The following CREB3L3 variants were observed in gnomAD, a reference collection of about 807,000 sequenced individuals.
CREB3L3 encodes cyclic AMP-responsive element-binding protein 3-like protein 3.
Under a neutral mutation model 44.6 loss-of-function variants are expected in CREB3L3, and 40 were observed. The observed-to-expected ratio is 0.90, with a 90% CI of 0.70 to 1.17. The LOEUF (loss-of-function observed/expected upper bound fraction) is 1.17, where lower values mean the gene tolerates loss of function less well. Ranked by LOEUF, CREB3L3 falls within the 50% of genes most tolerant of loss-of-function variation. The pLI, the probability that CREB3L3 is intolerant of heterozygous loss-of-function variation, is 0.00. For synonymous variants in CREB3L3, 273 were observed against 256.3 expected, an observed-to-expected ratio of 1.06 and a Z score of -0.62; for missense variants, 578 against 595.8, an observed-to-expected ratio of 0.97 and a Z score of 0.31.
intron 1 of CREB3L3, among the ~76,000 whole-genome samples, 192 bp from the exon 2 acceptor site, chr19:4,154,707 C>T (rs2041549637): frequency 6.6e-6 from 1 of 152,126 alleles, no homozygotes; most frequent in South Asian, 2.1e-4. Context: ...GGCTCTCACA[C>T]TGTGGAATTC....
At position 4,153,751 on chromosome 19, in the gene CREB3L3, A is replaced by G. The variant is rs772736795; in HGVS notation, c.4A>G (p.Asn2Asp). ...GCAGACAGAACTGGATGGACCCATG[A>G]ATACGGATTTAGCTGCTGGAAAGGT... MNTDLAAGKMAS... is the reference protein window; with the variant it reads MDTDLAAGKMAS... Residue 2 changes from asparagine (N) to aspartate (D), a missense_variant, in exon 1 of 10, where the codon AAT becomes GAT. Coordinates refer to ENST00000078445, the MANE Select transcript of CREB3L3 (RefSeq NM_032607.3). 8.1e-6 allele frequency: 13 copies of G among 1,614,072 alleles called. No individual in the cohort carries two copies. The highest frequency in any genetic ancestry group is 1.1e-5 in the Non-Finnish European group (13 of 1,180,010).
At chr19:4,162,462 T>C (rs1298978098) in intron 4 of CREB3L3, among the ~76,000 whole-genome samples, 1 of 144,452 alleles carries the variant, frequency 6.9e-6, no homozygotes, top group Non-Finnish European at 1.5e-5. Context: ...TTATAAATGC[T>C]AGTTATCAGC....
In CREB3L3 at chr19:4,167,450, GAAGAA is replaced by G. The variant is rs373254985; in HGVS notation, c.715-895_715-891del. On this transcript the variant is annotated intron_variant, in intron 5 of 9. Coordinates refer to ENST00000078445, the MANE Select transcript of CREB3L3 (RefSeq NM_032607.3). The stretch of plus-strand genomic sequence containing the variant: ...AAAGAAAGAAAGGAAAGAAAGAAAG[GAAGAA>G]AAGAAGGAAAGAAAGGAAGAAAAGG... Among the ~76,000 whole-genome samples, 17 of 118,704 alleles carry G rather than the reference GAAGAA, an allele frequency of 1.4e-4. 1 individual carries two copies. Among genetic ancestry groups the G allele is most frequent in the Middle Eastern group, 4.8e-3 (1 of 208 alleles). 77.9% of individuals were successfully genotyped at this position (118,704 alleles called of 152,430 possible). A position where few individuals can be genotyped will look rare whatever the true frequency, so the allele number is the denominator to read the frequency against.
In CREB3L3 at chr19:4,168,435, T is replaced by C. The variant is rs1966972458; in HGVS notation, c.799T>C (p.Tyr267His). The change falls in exon 6 of 10, where the codon TAT becomes CAT. Residue 267 changes from tyrosine (Y) to histidine (H), a missense_variant. Transcript: ENST00000078445. ...AQESRKKKKE[Y>H]IDGLETRMSA... ...AGAAAGCAGGAAGAAGAAGAAGGAA[T>C]ATATCGATGGCCTGGAGACTCGGTG... 10 of 1,608,478 alleles carry C rather than the reference T, an allele frequency of 6.2e-6. No individual in the cohort carries two copies. The highest frequency in any genetic ancestry group is 1.3e-5 in the African/African-American group (1 of 74,666).
At chr19:4,160,820 G>A (rs947182697) in intron 4 of CREB3L3, among the ~76,000 whole-genome samples, 4 of 150,596 alleles carry the variant, frequency 2.7e-5, no homozygotes, top group Non-Finnish European at 5.9e-5. Flanking sequence ...TGCAAGCTCC[G>A]CCTACCGGGT....
At chr19:4,166,421 ATTTTTTTT>A (rs35783380) in intron 5 of CREB3L3, among the ~76,000 whole-genome samples, 18 of 103,746 alleles carry the variant, frequency 1.7e-4, no homozygotes, top group African/African-American at 6.5e-4. Context: ...CGCCTGGCTA[ATTTTTTTT>A]TTTTTTTTTT....
intron 4 of CREB3L3, among the ~76,000 whole-genome samples, chr19:4,161,097 TA>T (rs1956761832): frequency 6.6e-6 from 1 of 151,978 alleles, no homozygotes; most frequent in Non-Finnish European, 1.5e-5. Flanking sequence ...ATCTTTTTAG[TA>T]GAGATGGGGT....
chr19:4,168,332 T>C lies in CREB3L3; in HGVS notation c.715-19T>C. The C allele has an allele frequency of 6.3e-7, 1 of 1,599,636 alleles. No homozygotes were observed. Among genetic ancestry groups the C allele is most frequent in the Non-Finnish European group, 8.5e-7 (1 of 1,169,900 alleles). On this transcript the variant is annotated intron_variant, in intron 5 of 9. Coordinates refer to ENST00000078445, the MANE Select transcript of CREB3L3 (RefSeq NM_032607.3). ...GGGACTTTCTGGCCTGAAACCCTCCTCCCCATTTCACTTGGCAGTACGAGG... is the reference window on the plus strand; with the variant it reads ...GGGACTTTCTGGCCTGAAACCCTCCCCCCCATTTCACTTGGCAGTACGAGG...
intron 3 of CREB3L3, among the ~76,000 whole-genome samples, chr19:4,158,756 G>A (rs1310045438): frequency 1.4e-5 from 2 of 146,128 alleles, no homozygotes; most frequent in African/African-American, 5.2e-5. Context: ...AGCCAAGATT[G>A]CCACACTGCT....
intron 5 of CREB3L3, among the ~76,000 whole-genome samples, chr19:4,166,765 C>T (rs1966915324): frequency 6.6e-6 from 1 of 151,842 alleles, no homozygotes; most frequent in Non-Finnish European, 1.5e-5. Context: ...GGCTGGAGTG[C>T]AGTGGTACAA....
intron 4 of CREB3L3, among the ~76,000 whole-genome samples, chr19:4,163,949 C>T (rs1340100396): frequency 7.3e-5 from 11 of 150,024 alleles, no homozygotes; most frequent in African/African-American, 2.5e-4. Context: ...GGATTACAGG[C>T]GCCGCCACCA....
In CREB3L3 at chr19:4,159,772, G is replaced by T; in HGVS notation, c.566G>T (p.Ser189Ile). ...TVKDLLLSGS[S>I]GDLQQHHLGA... is the part of the protein sequence containing the mutation. Reference sequence around the variant, plus strand: ...AAAGACCTCCTCCTTTCGGGCAGCAGTGGGGACCTGGTGAGCACCCCCACA... The same window carrying T: ...AAAGACCTCCTCCTTTCGGGCAGCATTGGGGACCTGGTGAGCACCCCCACA... The change falls in exon 4 of 10, where the codon AGT becomes ATT. Residue 189 changes from serine (S) to isoleucine (I), a missense_variant. Coordinates refer to ENST00000078445, the MANE Select transcript of CREB3L3 (RefSeq NM_032607.3). 6.8e-7 allele frequency: 1 copy of T among 1,477,632 alleles called. No individual in the cohort carries two copies. The highest frequency in any genetic ancestry group is 1.4e-5 in the African/African-American group (1 of 72,316). The allele number at this position is 1,477,632 out of a possible 1,614,324, so 91.5% of individuals were successfully genotyped here.
intron 3 of CREB3L3, among the ~76,000 whole-genome samples, chr19:4,158,494 C>G (rs1024905744): frequency 6.6e-6 from 1 of 150,748 alleles, no homozygotes; most frequent in Non-Finnish European, 1.5e-5. Flanking sequence ...CAGACTCTGT[C>G]TCGAAAAAAA....
In CREB3L3 at chr19:4,157,499, A is replaced by G. The variant is rs76951997; in HGVS notation, c.457+204A>G. Among the ~76,000 whole-genome samples the G allele has an allele frequency of 3.0e-4, 45 of 152,154 alleles. No homozygotes were observed. The East Asian group carries it at 8.1e-3, about 28-fold the overall frequency. On this transcript the variant is annotated intron_variant, in intron 3 of 9. Coordinates refer to ENST00000078445, the MANE Select transcript of CREB3L3 (RefSeq NM_032607.3). ...TTCACGTGGATGCTATTGGGAGCCC[A>G]TTTTCCAGATCGTGAAACAGTCCTG...
At chr19:4,154,189 A>G (rs1357806608) in intron 1 of CREB3L3, among the ~76,000 whole-genome samples, 1 of 152,072 alleles carries the variant, frequency 6.6e-6, no homozygotes, top group Non-Finnish European at 1.5e-5. Flanking sequence ...TTCCTGCCTC[A>G]GCCTCCCAAG....
At chr19:4,166,774 A>C (rs1320933750) in intron 5 of CREB3L3, among the ~76,000 whole-genome samples, 1 of 151,774 alleles carries the variant, frequency 6.6e-6, no homozygotes, top group Non-Finnish European at 1.5e-5. Flanking sequence ...GCAGTGGTAC[A>C]ATCTGCAGGT....
intron 2 of CREB3L3, among the ~76,000 whole-genome samples, 179 bp downstream of exon 2, chr19:4,155,206 CCTT>C (rs1200422198): frequency 6.6e-6 from 1 of 152,140 alleles, no homozygotes; most frequent in African/African-American, 2.4e-5. Context: ...AGCATCAGCT[CCTT>C]CTTACAGGTG....
At chr19:4,154,853 G>A (rs541822911) in intron 1 of CREB3L3, 46 bp from the exon 2 acceptor site, 13 of 1,612,648 alleles carry the variant, frequency 8.1e-6, no homozygotes, top group African/African-American at 8.0e-5. Context: ...GAGGTGGGGA[G>A]GACAGGGGCT....
intron 5 of CREB3L3, 87 bp from the exon 6 acceptor site, chr19:4,168,264 G>T: frequency 9.0e-6 from 9 of 999,330 alleles, no homozygotes; most frequent in South Asian, 1.3e-5. Context: ...CTCCCAAAGT[G>T]CTGGGATTAC....
Sources: allele counts gnomAD v4.1 joint callset (sites outside exome capture counted in the v4.1 genomes callset), GRCh38; gene constraint gnomAD v4.1.1; transcripts MANE v1.5; gene names NCBI Gene and HGNC (gene_info 2026-07-23, HGNC 2026-07-21).